ARHGEF4: variants seen among roughly 807,000 people sequenced by gnomAD.
ARHGEF4 encodes Rho guanine nucleotide exchange factor 4.
Under a neutral mutation model 162.0 loss-of-function variants are expected in ARHGEF4, and 119 were observed. The observed-to-expected ratio is 0.73, with a 90% confidence interval of 0.63 to 0.86. The LOEUF (loss-of-function observed/expected upper bound fraction) is 0.86. ARHGEF4 is among the 40% of genes least tolerant of loss of function. ARHGEF4 has a pLI of 0.00. For synonymous variants in ARHGEF4, 1,014 were observed against 979.9 expected, an observed-to-expected ratio of 1.03 and a Z score of -0.65; for missense variants, 2,488 against 2,456.0, an observed-to-expected ratio of 1.01 and a Z score of -0.28.
intron 4 of ARHGEF4, among the ~76,000 whole-genome samples, chr2:130,982,601 C>G: frequency 1.1e-5 from 1 of 88,742 alleles, no homozygotes; most frequent in East Asian, 3.4e-4. Context: ...CCTCCTTTCC[C>G]TCCTCCTCCT....
chr2:130,915,600 G>A lies in ARHGEF4; in HGVS notation c.1654G>A (p.Ala552Thr), dbSNP rs1186979581. 13 of 1,550,442 alleles carry A rather than the reference G, an allele frequency of 8.4e-6. No homozygotes were observed. The South Asian group carries it at 1.5e-4, about 18-fold the overall frequency. ...CTTGGAAGTGAGTGACAGTTCAGATGCCCCTGAGACCACCCAGAAATCAAG... is the reference window on the plus strand; with the variant it reads ...CTTGGAAGTGAGTGACAGTTCAGATACCCCTGAGACCACCCAGAAATCAAG... ...GCLEVSDSSD[A>T]PETTQKSSAI... Residue 552 changes from alanine to threonine, a missense_variant, in exon 2 of 14, where the codon GCC becomes ACC. This residue lies in a region of ARHGEF4 where 1,642 missense variants were observed against 1,481.5 expected (regional missense o/e 1.11). Transcript: ENST00000409359.
rs768344832 is a variant in ARHGEF4 at position 131,045,362 on chromosome 2, T to C, written c.5402-7T>C. Reference sequence around the variant, plus strand: ...GGGCAGCGCCCTCACCTGTGCCCCTTCCTCAGGCTTCTCCATCACTGAACT... The same window carrying C: ...GGGCAGCGCCCTCACCTGTGCCCCTCCCTCAGGCTTCTCCATCACTGAACT... On this transcript the variant is annotated splice_region_variant and splice_polypyrimidine_tract_variant and intron_variant, in intron 12 of 13. Transcript: ENST00000409359. 1 of 1,612,202 alleles carries C rather than the reference T, an allele frequency of 6.2e-7. No individual in the cohort carries two copies. The highest frequency in any genetic ancestry group is 1.1e-5 in the South Asian group (1 of 90,994).
intron 1 of ARHGEF4, among the ~76,000 whole-genome samples, chr2:130,838,404 G>A (rs1391712238): frequency 1.3e-5 from 2 of 152,080 alleles, no homozygotes; most frequent in Non-Finnish European, 2.9e-5. Flanking sequence ...TCACGAGTTC[G>A]AGACCAGCCT....
intron 4 of ARHGEF4, among the ~76,000 whole-genome samples, chr2:130,986,722 G>A (rs1686526295): frequency 1.3e-5 from 2 of 152,194 alleles, no homozygotes. Flanking sequence ...GATTTTGAAG[G>A]AGCTAGATGT....
In ARHGEF4 at chr2:130,917,040, TGCACA is replaced by T. The variant is rs1177747750; in HGVS notation, c.3097_3101del (p.Thr1033HisfsTer6). The T allele has an allele frequency of 9.7e-6, 15 of 1,550,900 alleles. No individual in the cohort carries two copies. Among genetic ancestry groups the T allele is most frequent in the Non-Finnish European group, 1.3e-5 (15 of 1,147,070 alleles). ...GAGGAAAAGTGAACCGACCATCAAG[TGCACA>T]GCCACCCAGGAAGGCGGTAGGTACC... On this transcript the variant is annotated frameshift_variant, in exon 2 of 14. Transcript: ENST00000409359. LOFTEE classifies it high-confidence loss of function.
rs140757835 is a variant in ARHGEF4, at chr2:130,931,255, A to G, written c.3856A>G (p.Lys1286Glu). ...HIGAVHKDGV[K>E]CWRKTIITSP... The stretch of plus-strand genomic sequence containing the variant: ...AGGGGCAGTGCACAAAGATGGAGTC[A>G]AGGTAAGCCACTCCCGGCCAGGAGT... The change falls in exon 3 of 14, where the codon AAG becomes GAG. Residue 1286 changes from lysine (K) to glutamate (E), a missense_variant and splice_region_variant. This residue lies in a region of ARHGEF4 where 1,642 missense variants were observed against 1,481.5 expected (regional missense o/e 1.11). Transcript: ENST00000409359. 1,754 of 1,600,076 alleles carry G rather than the reference A, an allele frequency of 1.1e-3. 1 individual carries two copies. The highest frequency in any genetic ancestry group is 1.4e-3 in the Non-Finnish European group (1,611 of 1,170,340).
At chr2:131,002,061 A>G (rs908814089) in intron 4 of ARHGEF4, among the ~76,000 whole-genome samples, 7 of 152,118 alleles carry the variant, frequency 4.6e-5, no homozygotes, top group African/African-American at 1.4e-4. Context: ...TTGTATGTTT[A>G]GTTTACGTTT....
Position 131,039,553 on chromosome 2 carries a change from G to A in ARHGEF4, c.4306-463G>A, listed in dbSNP as rs890652240. On this transcript the variant is annotated intron_variant, in intron 6 of 13. Coordinates refer to ENST00000409359, the MANE Select transcript of ARHGEF4 (RefSeq NM_001367493.1). ...AGGGCGTCCAAGCTGAGGGCCGTCC[G>A]GCGGGGAGGTCCCAGGCCCTGGTGT... is the stretch of plus-strand genomic sequence containing the variant. 6 of 1,036,518 alleles carry A rather than the reference G, an allele frequency of 5.8e-6. No homozygotes were observed. The African/African-American group carries it at 8.6e-5, about 15-fold the overall frequency. 64.2% of individuals were successfully genotyped at this position (1,036,518 alleles called of 1,614,324 possible). A position where few individuals can be genotyped will look rare whatever the true frequency, so the allele number is the denominator to read the frequency against.
intron 1 of ARHGEF4, among the ~76,000 whole-genome samples, chr2:130,851,460 C>T (rs1346068433): frequency 6.6e-6 from 1 of 152,214 alleles, no homozygotes; most frequent in East Asian, 1.9e-4. Context: ...CAGCCAGAAC[C>T]GGGTGCGGTT....
chr2:130,963,444 C>A (rs901374906), intron 4 of ARHGEF4, among the ~76,000 whole-genome samples: 4 of 152,050 alleles, frequency 2.6e-5, no homozygotes, highest in African/African-American at 9.7e-5. Flanking sequence ...CGCCGCCAAC[C>A]GTCTGAGCTG....
intron 3 of ARHGEF4, among the ~76,000 whole-genome samples, chr2:130,932,655 A>AT (rs954185729): frequency 8.6e-5 from 13 of 151,178 alleles, no homozygotes; most frequent in South Asian, 2.1e-4. Context: ...TACTTTATCT[A>AT]TTTTTTTTTG....
At chr2:130,910,668 C>T (rs1416961905) in intron 1 of ARHGEF4, among the ~76,000 whole-genome samples, 2 of 152,194 alleles carry the variant, frequency 1.3e-5, no homozygotes, top group African/African-American at 4.8e-5. Flanking sequence ...ACTGCACCGA[C>T]CCATTAGAGA....
At chr2:130,953,668 G>A (rs1684092430) in intron 4 of ARHGEF4, among the ~76,000 whole-genome samples, 1 of 152,100 alleles carries the variant, frequency 6.6e-6, no homozygotes, top group African/African-American at 2.4e-5. Flanking sequence ...CTGACAAAGG[G>A]CTAACATCCA....
chr2:130,942,132 T>C (rs1683339061), intron 3 of ARHGEF4, among the ~76,000 whole-genome samples: 1 of 149,284 alleles, frequency 6.7e-6, no homozygotes, highest in Non-Finnish European at 1.5e-5. Context: ...TATGGTTTGG[T>C]AGTTTTTTTT....
chr2:130,876,122 A>G (rs1368607958), intron 1 of ARHGEF4, among the ~76,000 whole-genome samples: 2 of 152,064 alleles, frequency 1.3e-5, no homozygotes, highest in African/African-American at 2.4e-5. Context: ...GGCTTTCCCC[A>G]TGTCCTCACC....
At chr2:130,903,598 T>A (rs1175170553) in intron 1 of ARHGEF4, among the ~76,000 whole-genome samples, 1 of 152,182 alleles carries the variant, frequency 6.6e-6, no homozygotes, top group Non-Finnish European at 1.5e-5. Context: ...TACAGGTTGG[T>A]TACATGTTGC....
intron 4 of ARHGEF4, among the ~76,000 whole-genome samples, chr2:130,988,864 GTGTGTGTGTATATATA>G (rs1686700547): frequency 8.1e-5 from 2 of 24,738 alleles, no homozygotes; most frequent in South Asian, 2.4e-3. Flanking sequence ...GTGTGTGTGT[GTGTGTGTGTATATATA>G]TATATATATA....
intron 10 of ARHGEF4, among the ~76,000 whole-genome samples, chr2:131,042,599 G>A (rs1690904155): frequency 6.6e-6 from 1 of 152,204 alleles, no homozygotes; most frequent in Admixed American, 6.5e-5. Flanking sequence ...AGAACATTAT[G>A]AAAATACAGA....
chr2:130,865,831 C>T (rs1191847868), intron 1 of ARHGEF4, among the ~76,000 whole-genome samples: 1 of 152,136 alleles, frequency 6.6e-6, no homozygotes, highest in Non-Finnish European at 1.5e-5. Flanking sequence ...GTGATCAAGT[C>T]CGTCAGTCCT....
Sources: gnomAD v4.1 joint callset for allele counts (sites outside exome capture counted in the v4.1 genomes callset) on GRCh38, gnomAD v4.1.1 for gene constraint, gnomAD v4.1.1 regional missense constraint, MANE v1.5 for transcripts, NCBI Gene and HGNC (gene_info 2026-07-23, HGNC 2026-07-21) for gene names.